The following CACNG5 variants were observed in gnomAD, a reference collection of about 807,000 sequenced individuals.
The protein encoded by CACNG5 is voltage-dependent calcium channel gamma-5 subunit.
Under a neutral mutation model 24.8 loss-of-function variants are expected in CACNG5, and 18 were observed. That is an observed-to-expected ratio of 0.73 (90% CI 0.50 to 1.08). The LOEUF (loss-of-function observed/expected upper bound fraction) is 1.08, where lower values mean the gene tolerates loss of function less well. Ranked by LOEUF, CACNG5 falls within the 50% of genes least tolerant of loss-of-function variation. The pLI, the probability that CACNG5 is intolerant of heterozygous loss-of-function variation, is 0.00. For missense variants in CACNG5, 349 were observed against 367.9 expected, an observed-to-expected ratio of 0.95 and a Z score of 0.42; for synonymous variants, 157 against 149.1, an observed-to-expected ratio of 1.05 and a Z score of -0.39.
rs571776236 is a variant in CACNG5 at position 66,891,124 on chromosome 17, A to G, written c.*5884A>G. 9.1e-4 allele frequency among the ~76,000 whole-genome samples: 138 copies of G among 152,304 alleles called. 1 individual carries two copies. Among genetic ancestry groups the G allele is most frequent in the African/African-American group, 2.8e-3 (115 of 41,562 alleles). ...AAGATGCAACAGCTTCAGAGGGAAG[A>G]GAAGGGTGGTCTTTTTCTCTATGTT... On this transcript the variant is annotated 3_prime_UTR_variant, in exon 6 of 6. Transcript: ENST00000533854.
At chr17:66,877,005 G>GAATGAATGAATGAATT (rs1977087188) in intron 1 of CACNG5, among the ~76,000 whole-genome samples, 1 of 150,520 alleles carries the variant, frequency 6.6e-6, no homozygotes, top group African/African-American at 2.5e-5. Flanking sequence ...ATGAATGAAT[G>GAATGAATGAATGAATT]AATGAATGAA....
At chr17:66,880,068 C>A (rs1488983199) in intron 3 of CACNG5, among the ~76,000 whole-genome samples, 2 of 152,158 alleles carry the variant, frequency 1.3e-5, no homozygotes, top group African/African-American at 2.4e-5. Flanking sequence ...GAACCAGGGA[C>A]AAAGACTAGC....
At position 66,879,042 on chromosome 17, in the gene CACNG5, C is replaced by T; in HGVS notation, c.267C>T (p.Ser89=). The T allele has an allele frequency of 6.2e-7, 1 of 1,613,900 alleles. No individual in the cohort carries two copies. The highest frequency in any genetic ancestry group is 2.2e-5 in the East Asian group (1 of 44,868). Reference sequence around the variant, plus strand: ...TGAACACCCAGCTGACATCCGAGTCCACGGTCAATGTTCTAAGTAAGTGCC... The same window carrying T: ...TGAACACCCAGCTGACATCCGAGTCTACGGTCAATGTTCTAAGTAAGTGCC... The part of the protein sequence containing the change: ...MPMNTQLTSE[S]TVNVLKMIRS... The change falls in exon 3 of 6, where the codon TCC becomes TCT. Residue 89 remains serine, a synonymous_variant. Coordinates refer to ENST00000533854, the MANE Select transcript of CACNG5 (RefSeq NM_145811.3).
At chr17:66,844,863 T>C (rs117623693) in intron 1 of CACNG5, among the ~76,000 whole-genome samples, 2 of 152,218 alleles carry the variant, frequency 1.3e-5, no homozygotes, top group African/African-American at 4.8e-5. Flanking sequence ...AGGAGCCCCA[T>C]GTTCTTTCTG....
intron 1 of CACNG5, among the ~76,000 whole-genome samples, chr17:66,865,661 G>A (rs916968203): frequency 1.4e-4 from 20 of 146,776 alleles, no homozygotes; most frequent in South Asian, 4.3e-4. Flanking sequence ...ACAGAGTCTC[G>A]CTCTGTCACC....
In CACNG5 at chr17:66,872,016, C is replaced by T. The variant is rs144462026; in HGVS notation, c.-103-5214C>T. The stretch of plus-strand genomic sequence containing the variant: ...CAAGGAGAGTGATTGGAGAATAGAT[C>T]ACTCTAATCTTTAATTTAGTTTTCT... On this transcript the variant is annotated intron_variant, in intron 1 of 5. Coordinates refer to ENST00000533854, the MANE Select transcript of CACNG5 (RefSeq NM_145811.3). Among the ~76,000 whole-genome samples, 104 of 152,310 alleles carry T rather than the reference C, an allele frequency of 6.8e-4. 2 individuals carry two copies. Among genetic ancestry groups the T allele is most frequent in the African/African-American group, 2.5e-3 (103 of 41,568 alleles).
At position 66,885,206 on chromosome 17, in the gene CACNG5, C is replaced by G; in HGVS notation, c.794C>G (p.Pro265Arg). Residue 265 changes from proline (P) to arginine (R), a missense_variant, in exon 6 of 6, where the codon CCC becomes CGC. Physicochemically the swap from Pro to Arg is moderately radical, Grantham distance 103 (BLOSUM62 -2). Transcript: ENST00000533854. ...AACTACCCCGCCTTGCTCAAGTGCC[C>G]CGACTATGATCAGATGTCCTCTTCA... The part of the protein sequence containing the change: ...NSNYPALLKC[P>R]DYDQMSSSPC The G allele has an allele frequency of 6.2e-7, 1 of 1,602,790 alleles. No individual in the cohort carries two copies.
Position 66,890,647 on chromosome 17 carries a change from G to A in CACNG5, c.*5407G>A, listed in dbSNP as rs1238603280. On this transcript the variant is annotated 3_prime_UTR_variant, in exon 6 of 6. Transcript: ENST00000533854. ...CATCCTTGAAGGTTTGCATGCGTGG[G>A]CTCTCTGTCCTGCTGGTTCAGAGGC... 6.6e-6 allele frequency among the ~76,000 whole-genome samples: 1 copy of A among 152,202 alleles called. No homozygotes were observed. Among genetic ancestry groups the A allele is most frequent in the East Asian group, 1.9e-4 (1 of 5,202 alleles).
chr17:66,857,176 G>C (rs1245125798), intron 1 of CACNG5, among the ~76,000 whole-genome samples: 1 of 138,758 alleles, frequency 7.2e-6, no homozygotes, highest in Non-Finnish European at 1.5e-5. Context: ...CTCCTACCTA[G>C]CCTCTCAAGT....
intron 4 of CACNG5, 108 bp downstream of exon 4, chr17:66,880,805 G>A (rs889989193): frequency 2.0e-5 from 25 of 1,240,640 alleles, no homozygotes; most frequent in African/African-American, 1.2e-4. Flanking sequence ...GCAGTGGCAC[G>A]ATCTTGGCTC....
chr17:66,854,049 G>A (rs569073736), intron 1 of CACNG5, among the ~76,000 whole-genome samples: 168 of 152,256 alleles, frequency 1.1e-3, no homozygotes, highest in African/African-American at 3.7e-3. Flanking sequence ...AAAGTTACTA[G>A]ATGCAAGACC....
At chr17:66,854,226 G>A (rs1373466483) in intron 1 of CACNG5, among the ~76,000 whole-genome samples, 6 of 152,178 alleles carry the variant, frequency 3.9e-5, no homozygotes, top group Non-Finnish European at 5.9e-5. Context: ...TCAGGAGATC[G>A]AGACCATCCT....
At chr17:66,860,549 G>A (rs1976839832) in intron 1 of CACNG5, among the ~76,000 whole-genome samples, 1 of 150,412 alleles carries the variant, frequency 6.6e-6, no homozygotes, top group Non-Finnish European at 1.5e-5. Flanking sequence ...GCAACAAAAC[G>A]ATCCTCCAAA....
chr17:66,855,336 C>T (rs1458569827), intron 1 of CACNG5, among the ~76,000 whole-genome samples: 1 of 152,166 alleles, frequency 6.6e-6, no homozygotes, highest in African/African-American at 2.4e-5. Flanking sequence ...GGCCCCAGGC[C>T]CGGGGCCTCT....
At position 66,889,927 on chromosome 17, in the gene CACNG5, C is replaced by T. The variant is rs976304361; in HGVS notation, c.*4687C>T. Among the ~76,000 whole-genome samples the T allele has an allele frequency of 1.3e-5, 2 of 152,180 alleles. No individual in the cohort carries two copies. Among genetic ancestry groups the T allele is most frequent in the Non-Finnish European group, 2.9e-5 (2 of 68,032 alleles). On this transcript the variant is annotated 3_prime_UTR_variant, in exon 6 of 6. Coordinates refer to ENST00000533854, the MANE Select transcript of CACNG5 (RefSeq NM_145811.3). Reference sequence around the variant, plus strand: ...ACCATTGTAAGTGGAGAAAGGACAGCGGAGGCCGGGGGAGCCACATTCCAC... The same window carrying T: ...ACCATTGTAAGTGGAGAAAGGACAGTGGAGGCCGGGGGAGCCACATTCCAC...
chr17:66,847,582 C>T (rs1228284169), intron 1 of CACNG5, among the ~76,000 whole-genome samples: 1 of 152,004 alleles, frequency 6.6e-6, no homozygotes, highest in African/African-American at 2.4e-5. Flanking sequence ...CTGGTCCCTC[C>T]CATGACACAT....
In CACNG5 at chr17:66,889,912, G is replaced by A. The variant is rs1296633939; in HGVS notation, c.*4672G>A. On this transcript the variant is annotated 3_prime_UTR_variant, in exon 6 of 6. Transcript: ENST00000533854. ...TGACATGTAAAACTAACCATTGTAA[G>A]TGGAGAAAGGACAGCGGAGGCCGGG... Among the ~76,000 whole-genome samples, 1 of 152,216 alleles carries A rather than the reference G, an allele frequency of 6.6e-6. No individual in the cohort carries two copies. The highest frequency in any genetic ancestry group is 1.5e-5 in the Non-Finnish European group (1 of 68,044).
chr17:66,882,742 T>TG (rs1977179412), intron 4 of CACNG5, among the ~76,000 whole-genome samples: 1 of 151,932 alleles, frequency 6.6e-6, no homozygotes, highest in Admixed American at 6.6e-5. Context: ...AATTGATAGA[T>TG]GGATGGATGG....
chr17:66,867,751 T>G (rs1005852697), intron 1 of CACNG5, among the ~76,000 whole-genome samples: 1 of 152,238 alleles, frequency 6.6e-6, no homozygotes, highest in African/African-American at 2.4e-5. Context: ...TGCTTGTTTT[T>G]GTCAGGTTTG....
Sources: gnomAD v4.1 joint callset for allele counts (sites outside exome capture counted in the v4.1 genomes callset) on GRCh38, gnomAD v4.1.1 for gene constraint, MANE v1.5 for transcripts, NCBI Gene and HGNC (gene_info 2026-07-23, HGNC 2026-07-21) for gene names.